ITCH: variants seen among roughly 807,000 people sequenced by gnomAD.
ITCH encodes itchy E3 ubiquitin protein ligase, also known as E3 ubiquitin-protein ligase Itchy homolog.
A neutral mutation model predicts 126.8 loss-of-function variants in ITCH; 28 were observed. The observed-to-expected ratio is 0.22, with a 90% CI of 0.16 to 0.30. The LOEUF (loss-of-function observed/expected upper bound fraction) is 0.30. ITCH is among the 10% of genes least tolerant of loss of function. ITCH has a pLI of 1.00. For synonymous variants in ITCH, 342 were observed against 340.0 expected (o/e 1.01, Z -0.06); for missense variants, 631 against 1,032.4 (o/e 0.61, Z 5.33).
intron 23 of ITCH, among the ~76,000 whole-genome samples, chr20:34,494,851 C>G (rs903898710): frequency 2.0e-5 from 3 of 151,924 alleles, no homozygotes; most frequent in Admixed American, 6.6e-5. Context: ...CCCTGCTATT[C>G]AGGAGGTTGA....
At chr20:34,402,762 G>A (rs951218262) in intron 3 of ITCH, 10 of 283,106 alleles carry the variant, frequency 3.5e-5, no homozygotes, top group East Asian at 2.6e-4. Context: ...CTTCTCCACC[G>A]GGTTGTTGGC....
rs1348559250 is a variant in ITCH at position 34,449,391 on chromosome 20, C to T, written c.1141-20C>T. 1 of 1,501,980 alleles carries T rather than the reference C, an allele frequency of 6.7e-7. No individual in the cohort carries two copies. The highest frequency in any genetic ancestry group is 9.3e-7 in the Non-Finnish European group (1 of 1,079,602). The allele number at this position is 1,501,980 out of a possible 1,614,324, so 93.0% of individuals were successfully genotyped here. ...GTTGTTAAGTTGTTAATAGTTTCAT[C>T]ACTTTTTGGTTCTTTTTAGAATCAA... On this transcript the variant is annotated intron_variant, in intron 11 of 24. Transcript: ENST00000374864.
Position 34,507,844 on chromosome 20 carries a change from G to T in ITCH, c.*50G>T. On this transcript the variant is annotated 3_prime_UTR_variant, in exon 25 of 25. Transcript: ENST00000374864. ...GGGCAAGAACTTATTTGCAATGTTT[G>T]TCCTTCTCTGCCTGTTGCACATCTT... The T allele has an allele frequency of 7.5e-7, 1 of 1,325,326 alleles. No individual in the cohort carries two copies. The highest frequency in any genetic ancestry group is 1.1e-6 in the Non-Finnish European group (1 of 918,222). The allele number at this position is 1,325,326 out of a possible 1,614,324, so 82.1% of individuals were successfully genotyped here.
At chr20:34,477,901 C>T (rs201235743) in intron 17 of ITCH, 41 bp downstream of exon 17, 345 of 1,611,622 alleles carry the variant, frequency 2.1e-4, no homozygotes, top group Non-Finnish European at 2.7e-4. Context: ...TTCCTTTCCT[C>T]CAAAGGTACC....
At chr20:34,443,116 A>G (rs1379815185) in intron 10 of ITCH, among the ~76,000 whole-genome samples, 2 of 152,194 alleles carry the variant, frequency 1.3e-5, no homozygotes, top group Non-Finnish European at 2.9e-5. Flanking sequence ...ATTAAAATGA[A>G]GTTCTTATTA....
intron 2 of ITCH, among the ~76,000 whole-genome samples, chr20:34,375,340 C>CTT (rs61157752): frequency 7.0e-5 from 9 of 128,134 alleles, no homozygotes; most frequent in South Asian, 2.5e-4. Flanking sequence ...CGCACCTGGC[C>CTT]TTTTTTTTTT....
intron 2 of ITCH, 117 bp from the exon 3 acceptor site, chr20:34,393,674 G>T: frequency 1.3e-6 from 1 of 746,110 alleles, no homozygotes; most frequent in South Asian, 1.4e-5. Flanking sequence ...ATTGTGTTTA[G>T]TAATGTAAAG....
intron 23 of ITCH, among the ~76,000 whole-genome samples, chr20:34,503,844 G>GT (rs1186102527): frequency 1.7e-5 from 2 of 117,714 alleles, no homozygotes; most frequent in African/African-American, 3.2e-5. Flanking sequence ...TTGCTTTTGG[G>GT]TTTTTTGGGT....
chr20:34,369,299 C>G, intron 1 of ITCH, 95 bp from the exon 2 acceptor site: 1 of 388,540 alleles, frequency 2.6e-6, no homozygotes, highest in Non-Finnish European at 4.5e-6. Flanking sequence ...TGCCACTGCA[C>G]TCTAGCCTGG....
rs571759264 is a variant in ITCH at position 34,508,406 on chromosome 20, T to C, written c.*612T>C. Reference sequence around the variant, plus strand: ...TTGTCAATTTGAATTCAGGGAAAAGTTGGTCACAGCCTGCAAATGACTTCA... The same window carrying C: ...TTGTCAATTTGAATTCAGGGAAAAGCTGGTCACAGCCTGCAAATGACTTCA... On this transcript the variant is annotated 3_prime_UTR_variant, in exon 25 of 25. Transcript: ENST00000374864. The C allele has an allele frequency of 8.9e-5, 14 of 157,250 alleles. No individual in the cohort carries two copies. The South Asian group carries it at 2.5e-3, about 28-fold the overall frequency. The allele number at this position is 157,250 out of a possible 1,614,324, so 9.7% of individuals were successfully genotyped here.
chr20:34,489,198 TTTTTATACTCAGAA>T (rs1457368981), intron 20 of ITCH, 54 bp from the exon 21 acceptor site: 2 of 1,371,276 alleles, frequency 1.5e-6, no homozygotes, highest in African/African-American at 2.9e-5. Flanking sequence ...TTAAAATTTA[TTTTTATACTCAGAA>T]TTTAAAGATA....
chr20:34,499,164 C>T (rs377703428), intron 23 of ITCH, among the ~76,000 whole-genome samples: 23 of 147,692 alleles, frequency 1.6e-4, no homozygotes, highest in African/African-American at 3.7e-4. Flanking sequence ...TTAGTAGAGA[C>T]GGGGTTTCAC....
intron 14 of ITCH, among the ~76,000 whole-genome samples, chr20:34,464,472 A>G (rs1986854986): frequency 6.6e-6 from 1 of 151,728 alleles, no homozygotes; most frequent in East Asian, 1.9e-4. Context: ...GATTATAGGC[A>G]TGCACCACCA....
At chr20:34,468,971 G>A (rs1366784663) in intron 14 of ITCH, among the ~76,000 whole-genome samples, 1 of 152,024 alleles carries the variant, frequency 6.6e-6, no homozygotes, top group Non-Finnish European at 1.5e-5. Flanking sequence ...TAAAGTCAAT[G>A]TACAAAATCA....
intron 1 of ITCH, among the ~76,000 whole-genome samples, chr20:34,365,475 T>C (rs1417558179): frequency 6.6e-6 from 1 of 152,208 alleles, no homozygotes; most frequent in African/African-American, 2.4e-5. Context: ...AGTACAGTGG[T>C]GTGATCTCGG....
chr20:34,406,824 G>A lies in ITCH; in HGVS notation c.71-1827G>A, dbSNP rs1339465910. Among the ~76,000 whole-genome samples the A allele has an allele frequency of 3.3e-5, 5 of 152,094 alleles. No individual in the cohort carries two copies. The East Asian group carries it at 5.8e-4, about 18-fold the overall frequency. On this transcript the variant is annotated intron_variant, in intron 3 of 24. Coordinates refer to ENST00000374864, the MANE Select transcript of ITCH (RefSeq NM_031483.7). Reference sequence around the variant, plus strand: ...GCTGGGATTACAGGCGTGAGCCACCGCACCCGGCTATATTAAGCTTCTTAA... The same window carrying A: ...GCTGGGATTACAGGCGTGAGCCACCACACCCGGCTATATTAAGCTTCTTAA...
At chr20:34,470,215 C>G (rs1987486638) in intron 15 of ITCH, 95 bp downstream of exon 15, 2 of 962,442 alleles carry the variant, frequency 2.1e-6, no homozygotes, top group Admixed American at 3.4e-5. Flanking sequence ...CACAGAAAAA[C>G]AGGTAAAATG....
rs879012592 is a variant in ITCH at position 34,445,278 on chromosome 20, C to G, written c.966-9C>G. The stretch of plus-strand genomic sequence containing the variant: ...TTAGCTTGTTTTTTTTTTTTTTTTT[C>G]TGATTTAGCTGGGAACGGCGGGTTG... On this transcript the variant is annotated splice_polypyrimidine_tract_variant and intron_variant, in intron 10 of 24. Transcript: ENST00000374864. 5.5e-4 allele frequency: 343 copies of G among 623,254 alleles called. No individual in the cohort carries two copies. Among genetic ancestry groups the G allele is most frequent in the Middle Eastern group, 1.0e-3 (2 of 1,918 alleles). 38.6% of individuals were successfully genotyped at this position (623,254 alleles called of 1,614,324 possible).
intron 3 of ITCH, among the ~76,000 whole-genome samples, chr20:34,401,276 C>T (rs1384984491): frequency 6.6e-6 from 1 of 151,974 alleles, no homozygotes; most frequent in African/African-American, 2.4e-5. Context: ...TCATCTGTGT[C>T]TTCTTTTTTT....
Sources: allele counts gnomAD v4.1 joint callset (sites outside exome capture counted in the v4.1 genomes callset), GRCh38; gene constraint gnomAD v4.1.1; transcripts MANE v1.5; gene names NCBI Gene and HGNC (gene_info 2026-07-23, HGNC 2026-07-21).